LHFPL3: variants seen among roughly 807,000 people sequenced by gnomAD.
The protein encoded by LHFPL3 is LHFPL tetraspan subfamily member 3 protein.
A neutral mutation model predicts 19.3 loss-of-function variants in LHFPL3; 5 were observed. The ratio of observed to expected loss-of-function variants is 0.26; its 90% CI spans 0.14 to 0.54. The LOEUF is 0.54. Among genes scored for constraint, LHFPL3 ranks in the 20% least tolerant of loss-of-function variants. LHFPL3 has a pLI of 0.94. For synonymous variants in LHFPL3, 133 were observed against 126.2 expected (o/e 1.05, Z -0.36); for missense variants, 249 against 307.4 (o/e 0.81, Z 1.42).
intron 1 of LHFPL3, among the ~76,000 whole-genome samples, chr7:104,342,507 CAAAAG>C (rs1230366018): frequency 1.3e-5 from 2 of 151,922 alleles, no homozygotes; most frequent in South Asian, 2.1e-4. Context: ...TTAAATAAAA[CAAAAG>C]AAAAGGAAAG....
At chr7:104,446,717 A>G (rs1274459016) in intron 1 of LHFPL3, among the ~76,000 whole-genome samples, 1 of 152,136 alleles carries the variant, frequency 6.6e-6, no homozygotes, top group Admixed American at 6.5e-5. Flanking sequence ...CTGAGACTAC[A>G]GACGTGTGCC....
chr7:104,591,068 A>G (rs974223004), intron 1 of LHFPL3, among the ~76,000 whole-genome samples: 31 of 152,028 alleles, frequency 2.0e-4, no homozygotes, highest in Admixed American at 4.6e-4. Flanking sequence ...TCTTTATCCA[A>G]TTTGCCAGTC....
intron 2 of LHFPL3, among the ~76,000 whole-genome samples, chr7:104,789,382 C>A (rs1210210148): frequency 6.6e-6 from 1 of 152,142 alleles, no homozygotes; most frequent in Non-Finnish European, 1.5e-5. Context: ...ACTCTTAACT[C>A]CAAGAGACTC....
intron 1 of LHFPL3, among the ~76,000 whole-genome samples, chr7:104,589,993 C>A (rs1486394874): frequency 2.6e-5 from 4 of 151,974 alleles, no homozygotes; most frequent in Non-Finnish European, 5.9e-5. Context: ...CTATTTGATT[C>A]TTCTCTCTTT....
At chr7:104,870,511 G>T (rs1791813113) in intron 2 of LHFPL3, among the ~76,000 whole-genome samples, 2 of 152,208 alleles carry the variant, frequency 1.3e-5, no homozygotes, top group East Asian at 3.8e-4. Context: ...TTTGTCAGGG[G>T]TGAAATAAAT....
At chr7:104,872,824 CT>C in intron 2 of LHFPL3, among the ~76,000 whole-genome samples, 1 of 152,248 alleles carries the variant, frequency 6.6e-6, no homozygotes, top group Non-Finnish European at 1.5e-5. Flanking sequence ...TTACAGTTAA[CT>C]TTTTTTCAGT....
At chr7:104,728,657 T>C (rs1793633173) in intron 1 of LHFPL3, among the ~76,000 whole-genome samples, 1 of 152,186 alleles carries the variant, frequency 6.6e-6, no homozygotes, top group African/African-American at 2.4e-5. Flanking sequence ...CAACTCTTTA[T>C]TTTCTATCTG....
At chr7:104,511,950 T>C (rs1172140724) in intron 1 of LHFPL3, among the ~76,000 whole-genome samples, 3 of 146,308 alleles carry the variant, frequency 2.1e-5, no homozygotes, top group African/African-American at 7.6e-5. Context: ...TTTTCTTTTT[T>C]TTTTTTTTTT....
At chr7:104,824,686 A>ATATATATTATATATATTATATATATAAT (rs1790780330) in intron 2 of LHFPL3, among the ~76,000 whole-genome samples, 1 of 96,008 alleles carries the variant, frequency 1.0e-5, no homozygotes, top group Non-Finnish European at 1.9e-5. Flanking sequence ...ATTATATATA[A>ATATATATTATATATATTATATATATAAT]TATATATTAT....
At chr7:104,903,176 T>G (rs1209386910) in intron 2 of LHFPL3, among the ~76,000 whole-genome samples, 1 of 152,154 alleles carries the variant, frequency 6.6e-6, no homozygotes, top group Non-Finnish European at 1.5e-5. Context: ...GATGCAGCCT[T>G]AGATACATGT....
chr7:104,851,146 T>G (rs1335370893), intron 2 of LHFPL3, among the ~76,000 whole-genome samples: 1 of 152,254 alleles, frequency 6.6e-6, no homozygotes, highest in Non-Finnish European at 1.5e-5. Context: ...GGGATTGTAA[T>G]GTTTACTTTG....
chr7:104,744,726 C>T (rs1016957796), intron 2 of LHFPL3, among the ~76,000 whole-genome samples: 6 of 152,192 alleles, frequency 3.9e-5, no homozygotes, highest in African/African-American at 1.4e-4. Context: ...TTATATTGAC[C>T]TGTCAGTAGC....
intron 1 of LHFPL3, among the ~76,000 whole-genome samples, chr7:104,531,984 T>A (rs1312657683): frequency 6.6e-6 from 1 of 152,206 alleles, no homozygotes; most frequent in African/African-American, 2.4e-5. Flanking sequence ...CTGGGTGTTC[T>A]GGGCCGTGAT....
At chr7:104,576,225 T>C (rs938570228) in intron 1 of LHFPL3, among the ~76,000 whole-genome samples, 4 of 151,988 alleles carry the variant, frequency 2.6e-5, no homozygotes, top group Admixed American at 2.6e-4. Context: ...CAGGAGACCA[T>C]AGGGTCATGA....
chr7:104,557,068 C>T (rs545368483), intron 1 of LHFPL3, among the ~76,000 whole-genome samples: 4 of 152,280 alleles, frequency 2.6e-5, no homozygotes, highest in Admixed American at 1.3e-4. Flanking sequence ...GGTCAAAGCC[C>T]TTCAACAAGT....
At chr7:104,468,144 C>T (rs554521903) in intron 1 of LHFPL3, among the ~76,000 whole-genome samples, 1 of 152,300 alleles carries the variant, frequency 6.6e-6, no homozygotes, top group South Asian at 2.1e-4. Flanking sequence ...TGCTGCAACC[C>T]GGAGGTCAGG....
At chr7:104,419,284 G>T (rs550204996) in intron 1 of LHFPL3, among the ~76,000 whole-genome samples, 2 of 152,322 alleles carry the variant, frequency 1.3e-5, no homozygotes, top group East Asian at 1.9e-4. Flanking sequence ...AGAGTGACAG[G>T]TTCAAAGCAT....
At chr7:104,739,452 C>A (rs1361047082) in intron 2 of LHFPL3, among the ~76,000 whole-genome samples, 1 of 152,118 alleles carries the variant, frequency 6.6e-6, no homozygotes, top group Non-Finnish European at 1.5e-5. Flanking sequence ...TCTATAGATT[C>A]TAAAGGAAGA....
intron 1 of LHFPL3, among the ~76,000 whole-genome samples, chr7:104,641,378 A>G (rs1209523106): frequency 6.6e-6 from 1 of 152,230 alleles, no homozygotes; most frequent in East Asian, 1.9e-4. Flanking sequence ...TGTGGAGAAC[A>G]TAACATGCTC....
Sources: allele counts gnomAD v4.1 joint callset (sites outside exome capture counted in the v4.1 genomes callset), GRCh38; gene constraint gnomAD v4.1.1; transcripts MANE v1.5; gene names NCBI Gene and HGNC (gene_info 2026-07-23, HGNC 2026-07-21).